The following IMPA2 variants were observed in gnomAD, a reference collection of about 807,000 sequenced individuals.
IMPA2 encodes the protein inositol monophosphatase 2.
Under a neutral mutation model 35.1 loss-of-function variants are expected in IMPA2, and 32 were observed. That is an observed-to-expected ratio of 0.91 (90% CI 0.69 to 1.23). IMPA2 has a LOEUF of 1.23. Among genes scored for constraint, IMPA2 ranks in the 50% most tolerant of loss-of-function variants. IMPA2 has a pLI of 0.00. For missense variants in IMPA2, 334 were observed against 387.6 expected (o/e 0.86, Z 1.16); for synonymous variants, 135 against 160.6 (o/e 0.84, Z 1.20).
chr18:11,989,322 G>T (rs1208969511), intron 1 of IMPA2, among the ~76,000 whole-genome samples: 1 of 152,222 alleles, frequency 6.6e-6, no homozygotes, highest in Non-Finnish European at 1.5e-5. Flanking sequence ...GAGGCAGGAG[G>T]GGGAGAGGAG....
At chr18:12,012,458 A>C (rs635370) in intron 4 of IMPA2, 533,080 of 544,142 alleles carry the variant, frequency 0.98, 261,967 homozygotes, top group East Asian at 1. Context: ...CCTCGTGTCA[A>C]CCGTGGTCTA....
At chr18:11,985,407 TAGAA>T (rs1358710666) in intron 1 of IMPA2, among the ~76,000 whole-genome samples, 3 of 152,192 alleles carry the variant, frequency 2.0e-5, no homozygotes, top group Non-Finnish European at 4.4e-5. Context: ...ATGGGGAGAA[TAGAA>T]AGATAAATTC....
intron 2 of IMPA2, among the ~76,000 whole-genome samples, chr18:12,007,628 CT>C (rs374480021): frequency 8.6e-6 from 1 of 116,674 alleles, no homozygotes; most frequent in Admixed American, 9.5e-5. Context: ...CTTTTTCTTT[CT>C]TCTTTCTTTC....
At chr18:12,000,973 T>C (rs1907100455) in intron 2 of IMPA2, among the ~76,000 whole-genome samples, 1 of 150,076 alleles carries the variant, frequency 6.7e-6, no homozygotes, top group South Asian at 2.2e-4. Flanking sequence ...GGCTCACACC[T>C]GTAATCCCAG....
In IMPA2 at chr18:12,030,527, C is replaced by T. The variant is rs1252995711; in HGVS notation, c.*69C>T. ...TGTGGGCTCCTGGGGAGGTGGCCCT[C>T]GTGGCCCACGCTCCATGCCAGTGGC... is the stretch of plus-strand genomic sequence containing the variant. On this transcript the variant is annotated 3_prime_UTR_variant, in exon 8 of 8. Coordinates refer to ENST00000269159, the MANE Select transcript of IMPA2 (RefSeq NM_014214.3). 1.0e-5 allele frequency: 13 copies of T among 1,239,384 alleles called. No homozygotes were observed. The highest frequency in any genetic ancestry group is 3.5e-5 in the Admixed American group (2 of 57,146). The allele number at this position is 1,239,384 out of a possible 1,614,324, so 76.8% of individuals were successfully genotyped here.
At chr18:11,985,147 C>CAAA (rs60194371) in intron 1 of IMPA2, among the ~76,000 whole-genome samples, 37 of 80,420 alleles carry the variant, frequency 4.6e-4, no homozygotes, top group African/African-American at 9.7e-4. Flanking sequence ...AACTCTGTCT[C>CAAA]AAAAAAAAAA....
rs868616273 is a variant in IMPA2 at position 11,984,922 on chromosome 18, C to G, written c.96+3157C>G. Among the ~76,000 whole-genome samples, 6 of 145,352 alleles carry G rather than the reference C, an allele frequency of 4.1e-5. No homozygotes were observed. In the South Asian group the frequency reaches 8.7e-4, roughly 21 times the overall value. Reference sequence around the variant, plus strand: ...GGCGGAGTTTGCAGTGAGTAGAGATCGTGCCACTGCACTCCAGCCTGAGCG... The same window carrying G: ...GGCGGAGTTTGCAGTGAGTAGAGATGGTGCCACTGCACTCCAGCCTGAGCG... On this transcript the variant is annotated intron_variant, in intron 1 of 7. Coordinates refer to ENST00000269159, the MANE Select transcript of IMPA2 (RefSeq NM_014214.3).
intron 1 of IMPA2, among the ~76,000 whole-genome samples, chr18:11,982,075 G>A (rs570285752): frequency 1.3e-5 from 2 of 152,218 alleles, no homozygotes; most frequent in Non-Finnish European, 2.9e-5. Flanking sequence ...GTACGGGGCT[G>A]TTGATTTTTA....
chr18:12,030,086 C>T (rs75466798), intron 7 of IMPA2, among the ~76,000 whole-genome samples: 2,124 of 152,344 alleles, frequency 0.014, 41 homozygotes, highest in African/African-American at 0.046. Flanking sequence ...TCTCTTAAGG[C>T]AGTGGCAGCT....
At position 12,014,312 on chromosome 18, in the gene IMPA2, G is replaced by A. The variant is rs1376341131; in HGVS notation, c.429G>A (p.Thr143=). ...ACTGCACAGAGGAGCGGCTGTACAC[G>A]GGCCGGCGGGGTCGGGGCGCCTTCT... is the stretch of plus-strand genomic sequence containing the variant. ...IYHCTEERLY[T]GRRGRGAFCN... The change falls in exon 5 of 8, where the codon ACG becomes ACA. Residue 143 remains threonine, a synonymous_variant. Coordinates refer to ENST00000269159, the MANE Select transcript of IMPA2 (RefSeq NM_014214.3). 11 of 1,611,812 alleles carry A rather than the reference G, an allele frequency of 6.8e-6. No homozygotes were observed. Among genetic ancestry groups the A allele is most frequent in the South Asian group, 1.1e-5 (1 of 90,830 alleles).
Position 11,981,601 on chromosome 18 carries a change from G to C in IMPA2, c.-69G>C, listed in dbSNP as rs1906498244. The C allele has an allele frequency of 1.9e-6, 2 of 1,060,878 alleles. No individual in the cohort carries two copies. Among genetic ancestry groups the C allele is most frequent in the Non-Finnish European group, 2.4e-6 (2 of 833,988 alleles). The allele number at this position is 1,060,878 out of a possible 1,614,324, so 65.7% of individuals were successfully genotyped here. A position where few individuals can be genotyped will look rare whatever the true frequency, so the allele number is the denominator to read the frequency against. On this transcript the variant is annotated 5_prime_UTR_variant, in exon 1 of 8. Transcript: ENST00000269159. ...GGAGTGTGGAGCCTGGCGGCGGGAC[G>C]GCGGGATCCGGTGGGAGCCGGAGTC...
intron 1 of IMPA2, among the ~76,000 whole-genome samples, chr18:11,989,161 C>T (rs1180999885): frequency 2.6e-5 from 4 of 152,158 alleles, no homozygotes; most frequent in Non-Finnish European, 4.4e-5. Flanking sequence ...GCTTTGCCGT[C>T]GGATGAGCTC....
chr18:12,029,870 C>T (rs943925373), intron 7 of IMPA2, among the ~76,000 whole-genome samples: 1 of 152,234 alleles, frequency 6.6e-6, no homozygotes, highest in Non-Finnish European at 1.5e-5. Flanking sequence ...CTTGCCCGAG[C>T]TTCTTCGAGT....
At chr18:12,028,312 T>G in intron 6 of IMPA2, 161 bp downstream of exon 6, 3 of 607,270 alleles carry the variant, frequency 4.9e-6, no homozygotes. Flanking sequence ...GGGGCCCGCC[T>G]GCAGTAGATA....
intron 5 of IMPA2, among the ~76,000 whole-genome samples, chr18:12,026,138 G>T (rs768270458): frequency 6.6e-6 from 1 of 150,734 alleles, no homozygotes; most frequent in Middle Eastern, 3.5e-3. Flanking sequence ...GGGTTCAAGC[G>T]ATTCTCCTGC....
In IMPA2 at chr18:11,984,825, G is replaced by T. The variant is rs541561142; in HGVS notation, c.96+3060G>T. On this transcript the variant is annotated intron_variant, in intron 1 of 7. Transcript: ENST00000269159. ...TACTAAAAAATACAAAAAATTAGCC[G>T]GGCGTGGTGGCGGGCGCCTGTAGTC... 4.9e-4 allele frequency among the ~76,000 whole-genome samples: 74 copies of T among 151,474 alleles called. 1 individual carries two copies. The highest frequency in any genetic ancestry group is 1.8e-3 in the African/African-American group (73 of 41,472).
intron 5 of IMPA2, 81 bp downstream of exon 5, chr18:12,014,454 A>T: frequency 1.2e-6 from 1 of 824,660 alleles, no homozygotes. Flanking sequence ...ATGATGTGGG[A>T]CGGTGGTGGA....
intron 1 of IMPA2, among the ~76,000 whole-genome samples, chr18:11,988,769 A>G (rs558140209): frequency 1.3e-5 from 2 of 152,304 alleles, no homozygotes; most frequent in East Asian, 3.9e-4. Context: ...CAGGAGGAAC[A>G]GGTTTGGAGC....
chr18:12,025,040 C>T (rs1054806270), intron 5 of IMPA2, among the ~76,000 whole-genome samples: 6 of 152,200 alleles, frequency 3.9e-5, no homozygotes, highest in Non-Finnish European at 7.3e-5. Context: ...TCCGCCTATT[C>T]TTCCCTCCCC....
Sources: gnomAD v4.1 joint callset for allele counts (sites outside exome capture counted in the v4.1 genomes callset) on GRCh38, gnomAD v4.1.1 for gene constraint, MANE v1.5 for transcripts, NCBI Gene and HGNC (gene_info 2026-07-23, HGNC 2026-07-21) for gene names.